The following SLAIN1 variants were observed in gnomAD, a reference collection of about 807,000 sequenced individuals.
The protein encoded by SLAIN1 is SLAIN family member 1.
In SLAIN1, 17 loss-of-function variants were observed where a neutral mutation model predicts 55.4. That is an observed-to-expected ratio of 0.31 (90% CI 0.21 to 0.46). The LOEUF is 0.46. SLAIN1 is among the 20% of genes least tolerant of loss of function. SLAIN1 has a pLI of 1.00. For synonymous variants in SLAIN1, 348 were observed against 337.4 expected (o/e 1.03, Z -0.35); for missense variants, 682 against 785.1 (o/e 0.87, Z 1.57).
intron 2 of SLAIN1, among the ~76,000 whole-genome samples, chr13:77,729,204 C>G (rs1184522712): frequency 6.6e-6 from 1 of 152,172 alleles, no homozygotes; most frequent in Admixed American, 6.5e-5. Context: ...TACCCTACAA[C>G]CTGATATGTG....
At chr13:77,712,111 C>T (rs2091157770) in intron 1 of SLAIN1, among the ~76,000 whole-genome samples, 2 of 152,202 alleles carry the variant, frequency 1.3e-5, no homozygotes. Flanking sequence ...CAGCCAGTAT[C>T]ATACTGAATT....
At chr13:77,741,483 A>G (rs541932967) in intron 2 of SLAIN1, 3 of 962,490 alleles carry the variant, frequency 3.1e-6, no homozygotes, top group Non-Finnish European at 3.7e-6. Context: ...ACTGGTGTCA[A>G]TTGGCAACCA....
intron 2 of SLAIN1, among the ~76,000 whole-genome samples, chr13:77,725,991 A>C (rs530572880): frequency 6.6e-6 from 1 of 152,200 alleles, no homozygotes; most frequent in Non-Finnish European, 1.5e-5. Flanking sequence ...CTTGCTGCCT[A>C]CATTTGTGAT....
intron 5 of SLAIN1, among the ~76,000 whole-genome samples, chr13:77,759,246 A>G (rs957138349): frequency 2.6e-5 from 4 of 152,172 alleles, no homozygotes; most frequent in South Asian, 2.1e-4. Flanking sequence ...TGTTGTTGGT[A>G]TACAGCAGTG....
Position 77,698,551 on chromosome 13 carries a change from C to G in SLAIN1, c.626+12C>G, listed in dbSNP as rs879541378. The G allele has an allele frequency of 1.4e-6, 2 of 1,415,552 alleles. No individual in the cohort carries two copies. The highest frequency in any genetic ancestry group is 3.1e-5 in the South Asian group (2 of 65,154). The allele number at this position is 1,415,552 out of a possible 1,614,324, so 87.7% of individuals were successfully genotyped here. ...GACGACTACACCTGGTACTGCCTGG[C>G]TCCGCTCCTTCCCCGAGACCCTGGC... On this transcript the variant is annotated intron_variant, in intron 1 of 6. Transcript: ENST00000418532. This position sits in a 1 kb window ranked among gnomAD's most constrained non-coding sequence, Gnocchi z 4.1.
At chr13:77,727,640 A>C (rs2091320649) in intron 2 of SLAIN1, among the ~76,000 whole-genome samples, 1 of 152,044 alleles carries the variant, frequency 6.6e-6, no homozygotes. Context: ...CTCCCATCGC[A>C]CTGTAGGTGT....
chr13:77,698,771 G>T lies in SLAIN1; in HGVS notation c.626+232G>T, dbSNP rs183900611. 5 of 1,196,314 alleles carry T rather than the reference G, an allele frequency of 4.2e-6. No homozygotes were observed. Among genetic ancestry groups the T allele is most frequent in the East Asian group, 2.6e-5 (1 of 38,094 alleles). 74.1% of individuals were successfully genotyped at this position (1,196,314 alleles called of 1,614,324 possible). On this transcript the variant is annotated intron_variant, in intron 1 of 6. Coordinates refer to ENST00000418532, the MANE Select transcript of SLAIN1 (RefSeq NM_001242868.2). The surrounding 1 kb of genome is among the most constrained non-coding windows in gnomAD (Gnocchi z 4.1). ...TAATCGCTCCGACTGCGGATGAACC[G>T]GCCCCCCCTTCCCCCCATCTGCCAT...
At chr13:77,757,675 A>G (rs532397577) in intron 5 of SLAIN1, among the ~76,000 whole-genome samples, 4 of 152,256 alleles carry the variant, frequency 2.6e-5, no homozygotes, top group African/African-American at 9.6e-5. Flanking sequence ...ACATGAGAGA[A>G]CATACGATAT....
At chr13:77,699,017 C>T in intron 1 of SLAIN1, 1 of 1,535,284 alleles carries the variant, frequency 6.5e-7, no homozygotes, top group Non-Finnish European at 8.7e-7. Context: ...CCTCGGGTGG[C>T]ATCGGAAGCC....
chr13:77,732,488 G>A (rs746884807), intron 2 of SLAIN1, among the ~76,000 whole-genome samples: 2 of 150,196 alleles, frequency 1.3e-5, no homozygotes, highest in African/African-American at 2.4e-5. Context: ...GGAAGCAGCC[G>A]TCTGTAATCT....
chr13:77,744,835 G>A (rs920668311), intron 3 of SLAIN1, among the ~76,000 whole-genome samples: 3 of 152,046 alleles, frequency 2.0e-5, no homozygotes, highest in African/African-American at 7.2e-5. Context: ...TAGCTTAGAA[G>A]GCCTTCAGTG....
At chr13:77,742,912 G>A in intron 2 of SLAIN1, 1 of 646,998 alleles carries the variant, frequency 1.5e-6, no homozygotes, top group Non-Finnish European at 2.1e-6. Context: ...ATGAAAAGTT[G>A]CTTTGTCTTT....
At chr13:77,740,531 C>G (rs964354216) in intron 2 of SLAIN1, among the ~76,000 whole-genome samples, 1 of 98,204 alleles carries the variant, frequency 1.0e-5, no homozygotes, top group Non-Finnish European at 2.0e-5. Flanking sequence ...GCGAACCGCC[C>G]CCCCCCCCTT....
intron 6 of SLAIN1, 137 bp from the exon 7 acceptor site, chr13:77,763,008 A>G (rs1453129218): frequency 1.3e-5 from 9 of 676,132 alleles, no homozygotes; most frequent in South Asian, 1.1e-4. Flanking sequence ...GTGAACCACA[A>G]GGTACACTTG....
intron 1 of SLAIN1, among the ~76,000 whole-genome samples, chr13:77,700,194 G>A (rs1490319495): frequency 6.6e-6 from 1 of 152,048 alleles, no homozygotes; most frequent in Non-Finnish European, 1.5e-5. Context: ...CCTATTACTA[G>A]CATTTTGGTA....
Position 77,697,956 on chromosome 13 carries a change from T to C in SLAIN1, c.43T>C (p.Ser15Pro), listed in dbSNP as rs1163613767. 1.2e-5 allele frequency: 17 copies of C among 1,443,736 alleles called. No individual in the cohort carries two copies. The Admixed American group carries it at 3.8e-4, about 32-fold the overall frequency. 89.4% of individuals were successfully genotyped at this position (1,443,736 alleles called of 1,614,324 possible). A position where few individuals can be genotyped will look rare whatever the true frequency, so the allele number is the denominator to read the frequency against. The change falls in exon 1 of 7, where the codon TCT becomes CCT. Residue 15 changes from serine (S) to proline (P), a missense_variant. By Grantham distance (74) the Ser-to-Pro change is moderately conservative. Around this residue, in one of 3 missense-constraint regions of SLAIN1, gnomAD observed 401 missense variants for 417.3 expected, o/e 0.96. Transcript: ENST00000418532. ...GAAATGCGCCTCGGCAGGGGTCAGCTCTGGAGCGGGCTCCGGGCCGGTGGT... is the reference window on the plus strand; with the variant it reads ...GAAATGCGCCTCGGCAGGGGTCAGCCCTGGAGCGGGCTCCGGGCCGGTGGT... ...QVKCASAGVSSGAGSGPVVNA... is the reference protein window; with the variant it reads ...QVKCASAGVSPGAGSGPVVNA...
chr13:77,731,318 TA>T (rs1295746267), intron 2 of SLAIN1, among the ~76,000 whole-genome samples: 1 of 152,168 alleles, frequency 6.6e-6, no homozygotes. Flanking sequence ...GATAAAAAAT[TA>T]ATATTGTCTT....
At chr13:77,737,248 T>C (rs983538940) in intron 2 of SLAIN1, among the ~76,000 whole-genome samples, 3 of 152,048 alleles carry the variant, frequency 2.0e-5, no homozygotes, top group Non-Finnish European at 4.4e-5. Flanking sequence ...ATGTGGCTCA[T>C]TGAACCTATT....
At chr13:77,744,463 G>A (rs997202429) in intron 3 of SLAIN1, 31 bp downstream of exon 3, 1 of 1,605,214 alleles carries the variant, frequency 6.2e-7, no homozygotes, top group African/African-American at 1.3e-5. Flanking sequence ...AGCAAAATGA[G>A]GCTTCCACTT....
Sources: gnomAD v4.1 joint callset for allele counts (sites outside exome capture counted in the v4.1 genomes callset) on GRCh38, gnomAD v4.1.1 for gene constraint, gnomAD v4.1.1 regional missense constraint, Gnocchi (gnomAD v3.1) non-coding constraint, MANE v1.5 for transcripts, NCBI Gene and HGNC (gene_info 2026-07-23, HGNC 2026-07-21) for gene names.